Variants in CCNY observed in about 807,000 individuals in gnomAD.
The protein encoded by CCNY is cyclin-Y.
CCNY carries 19 observed loss-of-function variants against 42.8 expected under a neutral mutation model. The ratio of observed to expected loss-of-function variants is 0.44; its 90% CI spans 0.31 to 0.65. CCNY has a LOEUF of 0.65. CCNY is among the 30% of genes least tolerant of loss of function. CCNY has a pLI of 0.07. For missense variants in CCNY, 370 were observed against 437.3 expected (o/e 0.85, Z 1.37); for synonymous variants, 165 against 162.7 (o/e 1.01, Z -0.11).
At chr10:35,489,251 T>G (rs945678023) in intron 2 of CCNY, among the ~76,000 whole-genome samples, 1 of 152,246 alleles carries the variant, frequency 6.6e-6, no homozygotes, top group African/African-American at 2.4e-5. Flanking sequence ...TTGATATTAC[T>G]TATTACTGAA....
At chr10:35,310,607 G>A (rs963254988) in intron 3 of CCNY, among the ~76,000 whole-genome samples, 1 of 152,172 alleles carries the variant, frequency 6.6e-6, no homozygotes, top group Non-Finnish European at 1.5e-5. Flanking sequence ...TAACTGGGGT[G>A]CAATATCTCA....
chr10:35,343,179 T>G (rs1224849204), intron 1 of CCNY, among the ~76,000 whole-genome samples: 2 of 151,732 alleles, frequency 1.3e-5, no homozygotes, highest in African/African-American at 4.8e-5. Flanking sequence ...AATTTTTGTA[T>G]TTTTAGTAGA....
rs35909291 is a variant in CCNY, at chr10:35,312,382, CAAAAAAAAA to C, written c.-9+61774_-9+61782del. ...GGCAACAGAGTGAGACTCTGTGTCACAAAAAAAAAAAAAAAAAAAAAAAAAATGTTAATT... is the reference window on the plus strand; with the variant it reads ...GGCAACAGAGTGAGACTCTGTGTCACAAAAAAAAAAAAAAAAATGTTAATT... On this transcript the variant is annotated intron_variant, in intron 3 of 11. Coordinates refer to the CCNY transcript ENST00000374706. Among the ~76,000 whole-genome samples, 4 of 61,470 alleles carry C rather than the reference CAAAAAAAAA, an allele frequency of 6.5e-5. No individual in the cohort carries two copies. The East Asian group carries it at 1.4e-3, about 22-fold the overall frequency. The allele number at this position is 61,470 out of a possible 152,430, so 40.3% of individuals were successfully genotyped here. A position where few individuals can be genotyped will look rare whatever the true frequency, so the allele number is the denominator to read the frequency against.
At chr10:35,473,885 C>G (rs370817478) in intron 1 of CCNY, among the ~76,000 whole-genome samples, 1 of 152,114 alleles carries the variant, frequency 6.6e-6, no homozygotes, top group African/African-American at 2.4e-5. Flanking sequence ...TCTGAGGTAC[C>G]GGGTTCATCT....
At chr10:35,316,550 T>C (rs1835762532) in intron 3 of CCNY, 1 of 152,244 alleles carries the variant, frequency 6.6e-6, no homozygotes, top group Non-Finnish European at 1.5e-5. Flanking sequence ...CTGGGTGTTG[T>C]TGCCAAAATT....
At chr10:35,522,145 C>T (rs543826056) in intron 4 of CCNY, among the ~76,000 whole-genome samples, 2 of 152,176 alleles carry the variant, frequency 1.3e-5, no homozygotes, top group East Asian at 1.9e-4. Context: ...AACCCAAGGA[C>T]AGAAGGTGGT....
intron 1 of CCNY, among the ~76,000 whole-genome samples, chr10:35,400,481 G>A (rs1837619739): frequency 6.6e-6 from 1 of 152,190 alleles, no homozygotes; most frequent in Non-Finnish European, 1.5e-5. Context: ...TGGATTACCC[G>A]AAGTAACCTT....
chr10:35,478,739 C>G (rs1426755863), intron 1 of CCNY, among the ~76,000 whole-genome samples: 3 of 152,276 alleles, frequency 2.0e-5, no homozygotes, highest in Non-Finnish European at 4.4e-5. Flanking sequence ...GCAAGGACTT[C>G]ATGTCTAAAA....
At chr10:35,377,495 C>CTA (rs1280425309) in intron 1 of CCNY, among the ~76,000 whole-genome samples, 1 of 152,152 alleles carries the variant, frequency 6.6e-6, no homozygotes, top group Non-Finnish European at 1.5e-5. Flanking sequence ...GTGAAGTAGG[C>CTA]TATGACTATC....
chr10:35,297,666 A>C (rs956799909), intron 3 of CCNY, among the ~76,000 whole-genome samples: 1 of 152,236 alleles, frequency 6.6e-6, no homozygotes, highest in Non-Finnish European at 1.5e-5. Flanking sequence ...ATTAACGTAC[A>C]AAAATCAATA....
At chr10:35,311,481 A>G (rs981322070) in intron 3 of CCNY, among the ~76,000 whole-genome samples, 5 of 152,064 alleles carry the variant, frequency 3.3e-5, no homozygotes, top group African/African-American at 1.2e-4. Context: ...GTTCAATACC[A>G]GTGTGGGCAA....
At chr10:35,314,185 A>C (rs1042637368) in intron 3 of CCNY, among the ~76,000 whole-genome samples, 1 of 152,142 alleles carries the variant, frequency 6.6e-6, no homozygotes, top group African/African-American at 2.4e-5. Flanking sequence ...GATCACACTC[A>C]TATTAGTCTG....
intron 1 of CCNY, among the ~76,000 whole-genome samples, chr10:35,406,236 TATTTA>T (rs1837763445): frequency 1.3e-5 from 2 of 149,384 alleles, no homozygotes; most frequent in African/African-American, 2.5e-5. Flanking sequence ...TTTATTTATT[TATTTA>T]TTTTTTTATT....
intron 1 of CCNY, among the ~76,000 whole-genome samples, chr10:35,413,136 A>T (rs1176728492): frequency 6.6e-6 from 1 of 152,160 alleles, no homozygotes; most frequent in South Asian, 2.1e-4. Context: ...TGCCATTTTC[A>T]TGGGACACTT....
At chr10:35,467,306 T>C (rs1839290033) in intron 1 of CCNY, among the ~76,000 whole-genome samples, 1 of 152,258 alleles carries the variant, frequency 6.6e-6, no homozygotes, top group Non-Finnish European at 1.5e-5. Context: ...ATTAGTATGC[T>C]AATTGTTTAT....
At chr10:35,327,057 A>G (rs1251436807) in intron 3 of CCNY, among the ~76,000 whole-genome samples, 1 of 152,240 alleles carries the variant, frequency 6.6e-6, no homozygotes, top group Non-Finnish European at 1.5e-5. Context: ...GTTTATACAA[A>G]GATTAATAAG....
rs767883357 is a variant in CCNY at position 35,569,196 on chromosome 10, C to T, written c.*26C>T. On this transcript the variant is annotated 3_prime_UTR_variant, in exon 10 of 10. Transcript: ENST00000374704. ...CTACGGAGGCCCGCCGGAGGCCACA[C>T]CATCCCTTAGTTTCTCCTTTAGTTT... is the stretch of plus-strand genomic sequence containing the variant. The T allele has an allele frequency of 1.4e-5, 18 of 1,309,522 alleles. No individual in the cohort carries two copies. In the Middle Eastern group the frequency reaches 5.5e-4, roughly 40 times the overall value. The allele number at this position is 1,309,522 out of a possible 1,614,324, so 81.1% of individuals were successfully genotyped here. A position where few individuals can be genotyped will look rare whatever the true frequency, so the allele number is the denominator to read the frequency against.
At chr10:35,292,098 C>G (rs993504352) in intron 3 of CCNY, among the ~76,000 whole-genome samples, 1 of 152,178 alleles carries the variant, frequency 6.6e-6, no homozygotes, top group African/African-American at 2.4e-5. Flanking sequence ...ATTTGGTTTG[C>G]ATCTCCTTGA....
intron 1 of CCNY, among the ~76,000 whole-genome samples, chr10:35,379,338 G>A (rs759695717): frequency 6.6e-6 from 1 of 152,168 alleles, no homozygotes; most frequent in Non-Finnish European, 1.5e-5. Flanking sequence ...GCCAAAGGAG[G>A]GGGCCCCAGG....
Sources: allele counts gnomAD v4.1 joint callset (sites outside exome capture counted in the v4.1 genomes callset), GRCh38; gene constraint gnomAD v4.1.1; transcripts MANE v1.5; gene names NCBI Gene and HGNC (gene_info 2026-07-23, HGNC 2026-07-21).